The following CTDSPL2 variants were observed in gnomAD, a reference collection of about 807,000 sequenced individuals.
CTDSPL2 encodes the protein CTD small phosphatase-like protein 2.
Under a neutral mutation model 60.0 loss-of-function variants are expected in CTDSPL2, and 5 were observed. The observed-to-expected ratio is 0.08, with a 90% CI of 0.04 to 0.18. The LOEUF is 0.18. CTDSPL2 is among the 10% of genes least tolerant of loss of function. CTDSPL2 has a pLI of 1.00. For missense variants in CTDSPL2, 370 were observed against 548.8 expected (o/e 0.67, Z 3.26); for synonymous variants, 186 against 189.3 (o/e 0.98, Z 0.14).
intron 1 of CTDSPL2, among the ~76,000 whole-genome samples, chr15:44,430,423 T>C (rs977002461): frequency 6.6e-6 from 1 of 151,940 alleles, no homozygotes; most frequent in African/African-American, 2.4e-5. Context: ...TTTTTTTAGT[T>C]TTTTGTAGAG....
chr15:44,502,142 A>T (rs2081391342), intron 8 of CTDSPL2: 3 of 218,690 alleles, frequency 1.4e-5, no homozygotes, highest in Admixed American at 1.1e-4. Context: ...CTTATTTTTT[A>T]AAAAATTTAT....
rs899977960 is a variant in CTDSPL2, at chr15:44,528,774, A to G, written c.*4600A>G. ...TTGTAGAAATAAGCAATGAAATACT[A>G]CTTTCATCTTTTGAAATGGGATTTT... On this transcript the variant is annotated 3_prime_UTR_variant, in exon 13 of 13. Coordinates refer to ENST00000260327, the MANE Select transcript of CTDSPL2 (RefSeq NM_016396.3). 1 of 152,144 alleles carries G rather than the reference A, an allele frequency of 6.6e-6. No homozygotes were observed. Among genetic ancestry groups the G allele is most frequent in the Non-Finnish European group, 1.5e-5 (1 of 68,022 alleles). The allele number at this position is 152,144 out of a possible 1,614,324, so 9.4% of individuals were successfully genotyped here. A position where few individuals can be genotyped will look rare whatever the true frequency, so the allele number is the denominator to read the frequency against.
chr15:44,521,282 A>G, intron 11 of CTDSPL2, 29 bp from the exon 12 acceptor site: 5 of 1,077,308 alleles, frequency 4.6e-6, no homozygotes, highest in Non-Finnish European at 6.9e-6. Context: ...TAAGTAAAAG[A>G]GGATTTAATT....
chr15:44,513,691 C>G (rs888902563), intron 8 of CTDSPL2, among the ~76,000 whole-genome samples: 2 of 152,090 alleles, frequency 1.3e-5, no homozygotes, highest in African/African-American at 4.8e-5. Flanking sequence ...TCAATAAATA[C>G]TTGTTATTCG....
At chr15:44,480,551 T>G (rs2081007736) in intron 2 of CTDSPL2, among the ~76,000 whole-genome samples, 1 of 152,168 alleles carries the variant, frequency 6.6e-6, no homozygotes, top group African/African-American at 2.4e-5. Context: ...CATTTTCCCC[T>G]TAATTACCTA....
intron 1 of CTDSPL2, among the ~76,000 whole-genome samples, chr15:44,432,870 C>T (rs1333885512): frequency 6.6e-6 from 1 of 152,010 alleles, no homozygotes; most frequent in Admixed American, 6.6e-5. Context: ...GATCCACCTG[C>T]CTCGGTCTCC....
intron 7 of CTDSPL2, among the ~76,000 whole-genome samples, 158 bp from the exon 8 acceptor site, chr15:44,499,569 C>G (rs1241311861): frequency 6.6e-6 from 1 of 152,126 alleles, no homozygotes; most frequent in Admixed American, 6.5e-5. Context: ...TTTAGAAACT[C>G]CTACCCCAAA....
Position 44,459,135 on chromosome 15 carries a change from C to G in CTDSPL2, c.121C>G (p.Pro41Ala). The G allele has an allele frequency of 6.2e-7, 1 of 1,612,724 alleles. No individual in the cohort carries two copies. Among genetic ancestry groups the G allele is most frequent in the Non-Finnish European group, 8.5e-7 (1 of 1,179,354 alleles). ...DDSLPSGGEK[P>A]SKNETGLLSS... ...TAGCCTGCCTTCAGGAGGAGAAAAA[C>G]CATCGAAGAATGAAACCGGCTTGTT... is the stretch of plus-strand genomic sequence containing the variant. Residue 41 changes from proline to alanine, a missense_variant, in exon 2 of 13, where the codon CCA becomes GCA. Physicochemically the swap from Pro to Ala is conservative, Grantham distance 27. This residue lies in a region of CTDSPL2 where 287 missense variants were observed against 296.1 expected (regional missense o/e 0.97). Transcript: ENST00000260327.
chr15:44,497,734 C>T (rs2081325090), intron 7 of CTDSPL2, among the ~76,000 whole-genome samples: 1 of 152,124 alleles, frequency 6.6e-6, no homozygotes, highest in Non-Finnish European at 1.5e-5. Flanking sequence ...GTAGCTCATG[C>T]CTGTAATCCT....
chr15:44,501,129 T>G (rs1283489813), intron 8 of CTDSPL2, among the ~76,000 whole-genome samples: 3 of 152,150 alleles, frequency 2.0e-5, no homozygotes, highest in African/African-American at 7.2e-5. Flanking sequence ...GATATCTTAG[T>G]TTTCTCTTTT....
chr15:44,524,430 G>T lies in CTDSPL2; in HGVS notation c.*256G>T. The T allele has an allele frequency of 2.6e-6, 1 of 391,772 alleles. No individual in the cohort carries two copies. The allele number at this position is 391,772 out of a possible 1,614,324, so 24.3% of individuals were successfully genotyped here. On this transcript the variant is annotated 3_prime_UTR_variant, in exon 13 of 13. Coordinates refer to ENST00000260327, the MANE Select transcript of CTDSPL2 (RefSeq NM_016396.3). ...CTCCAGTGAAATTTTTTATGTACAG[G>T]ACATCTGCAGTTTATAAAGAATTCT...
intron 1 of CTDSPL2, chr15:44,448,171 A>G: frequency 3.8e-6 from 1 of 262,236 alleles, no homozygotes; most frequent in South Asian, 3.8e-5. Flanking sequence ...GGTTTGGTCC[A>G]CATGGTCAAT....
At chr15:44,429,996 A>T (rs1035615104) in intron 1 of CTDSPL2, among the ~76,000 whole-genome samples, 1 of 152,234 alleles carries the variant, frequency 6.6e-6, no homozygotes, top group Admixed American at 6.5e-5. Context: ...TCCATTCTAC[A>T]TAGTGTCTCT....
chr15:44,474,243 G>T (rs1050509929), intron 2 of CTDSPL2, among the ~76,000 whole-genome samples: 2 of 152,182 alleles, frequency 1.3e-5, no homozygotes, highest in African/African-American at 4.8e-5. Flanking sequence ...TAGCACTTTA[G>T]GAGGCCGAGA....
Position 44,486,406 on chromosome 15 carries a change from A to G in CTDSPL2, c.326-145A>G, listed in dbSNP as rs556186909. The G allele has an allele frequency of 4.7e-5, 27 of 571,388 alleles. No homozygotes were observed. In the East Asian group the frequency reaches 8.4e-4, roughly 18 times the overall value. The allele number at this position is 571,388 out of a possible 1,614,324, so 35.4% of individuals were successfully genotyped here. On this transcript the variant is annotated intron_variant, in intron 3 of 12. Coordinates refer to ENST00000260327, the MANE Select transcript of CTDSPL2 (RefSeq NM_016396.3). Reference sequence around the variant, plus strand: ...AGTAATTTACCTCAATGTTTCTTTAATAAGCTTTCCTGAACATTAACATTA... The same window carrying G: ...AGTAATTTACCTCAATGTTTCTTTAGTAAGCTTTCCTGAACATTAACATTA...
intron 2 of CTDSPL2, among the ~76,000 whole-genome samples, chr15:44,477,398 C>G (rs2080940130): frequency 6.6e-6 from 1 of 150,808 alleles, no homozygotes; most frequent in South Asian, 2.1e-4. Context: ...ATTTGCTGGA[C>G]TTGGTGTGTG....
intron 1 of CTDSPL2, among the ~76,000 whole-genome samples, chr15:44,444,394 G>C (rs987860527): frequency 6.6e-6 from 1 of 151,512 alleles, no homozygotes; most frequent in Non-Finnish European, 1.5e-5. Flanking sequence ...ACCCAGGTTG[G>C]AGTGCAGTGG....
chr15:44,519,366 T>C (rs1226841642), intron 11 of CTDSPL2, 71 bp downstream of exon 11: 1 of 1,215,184 alleles, frequency 8.2e-7, no homozygotes, highest in Non-Finnish European at 1.1e-6. Context: ...CCAAACAGAA[T>C]ATGATGGGAG....
chr15:44,431,233 C>T (rs1025416264), intron 1 of CTDSPL2, among the ~76,000 whole-genome samples: 4 of 151,784 alleles, frequency 2.6e-5, no homozygotes, highest in African/African-American at 9.7e-5. Flanking sequence ...AAGTGCTGGG[C>T]TTACCGGCAT....
Sources: gnomAD v4.1 joint callset for allele counts (sites outside exome capture counted in the v4.1 genomes callset) on GRCh38, gnomAD v4.1.1 for gene constraint, gnomAD v4.1.1 regional missense constraint, MANE v1.5 for transcripts, NCBI Gene and HGNC (gene_info 2026-07-23, HGNC 2026-07-21) for gene names.